ZBBX: variants seen among roughly 807,000 people sequenced by gnomAD.
ZBBX encodes zinc finger B-box domain containing, also known as zinc finger B-box domain-containing protein 1.
Under a neutral mutation model 108.5 loss-of-function variants are expected in ZBBX, and 101 were observed. The observed-to-expected ratio is 0.93, with a 90% CI of 0.79 to 1.10. ZBBX has a LOEUF of 1.10. ZBBX is among the 50% of genes least tolerant of loss of function. The pLI is 0.00. For synonymous variants in ZBBX, 356 were observed against 323.4 expected (o/e 1.10, Z -1.08); for missense variants, 1,009 against 941.4 (o/e 1.07, Z -0.94).
At position 167,365,936 on chromosome 3, in the gene ZBBX, A is replaced by T. The variant is rs370903569; in HGVS notation, c.223T>A (p.Leu75Met). 25 of 1,609,180 alleles carry T rather than the reference A, an allele frequency of 1.6e-5. No individual in the cohort carries two copies. In the African/African-American group the frequency reaches 2.7e-4, roughly 17 times the overall value. Reference protein sequence around the residue: ...YYWKSGKVGKLVNQSYMMSQN... With the variant: ...YYWKSGKVGKMVNQSYMMSQN... ...GACATCATATATGATTGATTGACCAATTTGCCCACTTTTCCAGATTTCCAG... is the reference window on the plus strand; with the variant it reads ...GACATCATATATGATTGATTGACCATTTTGCCCACTTTTCCAGATTTCCAG... Residue 75 changes from leucine (L) to methionine (M), a missense_variant, in exon 6 of 22, where the codon TTG becomes ATG. Leu to Met is a conservative substitution (Grantham distance 15). Coordinates refer to ENST00000675490, the MANE Select transcript of ZBBX (RefSeq NM_001199201.2).
chr3:167,311,437 G>A (rs771965500), intron 16 of ZBBX, among the ~76,000 whole-genome samples: 2 of 152,086 alleles, frequency 1.3e-5, no homozygotes, highest in Middle Eastern at 3.4e-3. Context: ...AAATTGATAA[G>A]CTAAACTTTA....
At chr3:167,405,853 T>G (rs1748566478) in intron 1 of ZBBX, among the ~76,000 whole-genome samples, 1 of 152,086 alleles carries the variant, frequency 6.6e-6, no homozygotes, top group South Asian at 2.1e-4. Flanking sequence ...GTGGATCACT[T>G]GAGGTCAGGA....
At chr3:167,395,339 T>C (rs933455470) in intron 1 of ZBBX, among the ~76,000 whole-genome samples, 16 of 152,066 alleles carry the variant, frequency 1.1e-4, no homozygotes, top group Non-Finnish European at 1.9e-4. Context: ...TACTAACTGG[T>C]TTTACTTGCA....
At chr3:167,241,982 A>G (rs1720751120) in intron 21 of ZBBX, among the ~76,000 whole-genome samples, 1 of 152,220 alleles carries the variant, frequency 6.6e-6, no homozygotes. Context: ...AACATTTACT[A>G]GTATAACCTA....
At chr3:167,380,822 G>A (rs1162073477), upstream of ZBBX, among the ~76,000 whole-genome samples, 6 of 150,842 alleles carry the variant, frequency 4.0e-5, no homozygotes, top group South Asian at 8.4e-4. Flanking sequence ...TACATGACCC[G>A]TGGAGTCTAA....
upstream of ZBBX, among the ~76,000 whole-genome samples, chr3:167,382,779 C>T (rs1027956287): frequency 5.3e-5 from 8 of 152,028 alleles, no homozygotes; most frequent in African/African-American, 1.7e-4. Flanking sequence ...TTGATAAAGT[C>T]TCTGTGTAAT....
chr3:167,366,625 AT>A (rs1049443172), intron 5 of ZBBX, among the ~76,000 whole-genome samples: 107 of 152,014 alleles, frequency 7.0e-4, no homozygotes, highest in African/African-American at 2.4e-3. Flanking sequence ...CTAGACTTCT[AT>A]TTTCCTGGCT....
intron 1 of ZBBX, among the ~76,000 whole-genome samples, chr3:167,404,717 T>G (rs1748529741): frequency 6.6e-6 from 1 of 152,206 alleles, no homozygotes; most frequent in Non-Finnish European, 1.5e-5. Flanking sequence ...GACTTCAATT[T>G]CAGCATTCCT....
chr3:167,344,034 C>A (rs1361679974), intron 9 of ZBBX, among the ~76,000 whole-genome samples: 1 of 151,714 alleles, frequency 6.6e-6, no homozygotes, highest in East Asian at 1.9e-4. Flanking sequence ...TGTTATTCAA[C>A]CTTAAAAATA....
At chr3:167,338,867 C>T (rs552398611) in intron 9 of ZBBX, among the ~76,000 whole-genome samples, 2 of 152,012 alleles carry the variant, frequency 1.3e-5, no homozygotes, top group African/African-American at 2.4e-5. Flanking sequence ...AGTGATTGTT[C>T]GATATGATTG....
intron 19 of ZBBX, among the ~76,000 whole-genome samples, chr3:167,285,479 G>T (rs1280122525): frequency 2.7e-5 from 4 of 150,882 alleles, no homozygotes; most frequent in African/African-American, 9.7e-5. Context: ...TCTTAGAAAT[G>T]TATTTTCTAA....
At chr3:167,298,531 A>G in intron 17 of ZBBX, 73 bp from the exon 18 acceptor site, 1 of 1,173,702 alleles carries the variant, frequency 8.5e-7, no homozygotes, top group Middle Eastern at 3.1e-4. Flanking sequence ...TTTATCAGAT[A>G]CCTACTTGGT....
At chr3:167,196,705 T>C in the ZBBX span, among the ~76,000 whole-genome samples, 1 of 152,172 alleles carries the variant, frequency 6.6e-6, no homozygotes, top group African/African-American at 2.4e-5. Context: ...CTATTGACAA[T>C]AGAAGCTTCT....
chr3:167,251,562 C>T (rs992703810), intron 20 of ZBBX, among the ~76,000 whole-genome samples: 1 of 152,076 alleles, frequency 6.6e-6, no homozygotes, highest in African/African-American at 2.4e-5. Flanking sequence ...GGATCCTTTC[C>T]GGTATCAAAA....
At chr3:167,407,435 T>G (rs780831540) in intron 1 of ZBBX, among the ~76,000 whole-genome samples, 1 of 152,108 alleles carries the variant, frequency 6.6e-6, no homozygotes, top group African/African-American at 2.4e-5. Context: ...CCTTGAACAA[T>G]GTGGGGATTA....
intron 1 of ZBBX, among the ~76,000 whole-genome samples, chr3:167,391,124 T>C (rs2108636946): frequency 1.3e-5 from 2 of 152,248 alleles, no homozygotes; most frequent in East Asian, 3.9e-4. Flanking sequence ...TATGGGTTTG[T>C]CAACAATAGC....
chr3:167,328,558 C>T (rs1053925324), intron 10 of ZBBX, among the ~76,000 whole-genome samples: 1 of 151,610 alleles, frequency 6.6e-6, no homozygotes, highest in African/African-American at 2.4e-5. Flanking sequence ...TCTATGAAAC[C>T]CCAAGTTCCT....
intron 16 of ZBBX, among the ~76,000 whole-genome samples, chr3:167,310,585 G>T (rs1294694285): frequency 6.6e-6 from 1 of 152,050 alleles, no homozygotes; most frequent in Non-Finnish European, 1.5e-5. Flanking sequence ...ATTACATGTT[G>T]GCGAGGGCTG....
chr3:167,248,811 G>A (rs1013878692), intron 20 of ZBBX, among the ~76,000 whole-genome samples: 1 of 152,220 alleles, frequency 6.6e-6, no homozygotes, highest in Non-Finnish European at 1.5e-5. Context: ...TGAAAGCAGG[G>A]AGAAATGGGG....
Sources: allele counts gnomAD v4.1 joint callset (sites outside exome capture counted in the v4.1 genomes callset), GRCh38; gene constraint gnomAD v4.1.1; transcripts MANE v1.5; gene names NCBI Gene and HGNC (gene_info 2026-07-23, HGNC 2026-07-21).